The following TRIQK variants were observed in gnomAD, a reference collection of about 807,000 sequenced individuals.
The protein encoded by TRIQK is triple QxxK/R motif containing.
TRIQK carries 10 observed loss-of-function variants against 10.8 expected under a neutral mutation model. The observed-to-expected ratio is 0.92, with a 90% CI of 0.57 to 1.57. The LOEUF (loss-of-function observed/expected upper bound fraction) is 1.57. TRIQK is among the 40% of genes most tolerant of loss of function. The pLI is 0.00. For synonymous variants in TRIQK, 33 were observed against 33.7 expected (o/e 0.98, Z 0.07); for missense variants, 107 against 97.7 (o/e 1.09, Z -0.40).
chr8:92,957,420 A>G (rs1812230376), intron 1 of TRIQK, among the ~76,000 whole-genome samples: 1 of 151,866 alleles, frequency 6.6e-6, no homozygotes, highest in African/African-American at 2.4e-5. Flanking sequence ...TGTGTCAAAT[A>G]TAAAGATCTA....
chr8:92,994,366 C>T (rs1813129464), intron 1 of TRIQK, among the ~76,000 whole-genome samples: 1 of 151,442 alleles, frequency 6.6e-6, no homozygotes, highest in Non-Finnish European at 1.5e-5. Context: ...TCCCTAGTGT[C>T]TATCTGCTTA....
intron 2 of TRIQK, among the ~76,000 whole-genome samples, chr8:92,944,286 G>A (rs549144128): frequency 8.6e-5 from 12 of 138,830 alleles, no homozygotes; most frequent in African/African-American, 2.1e-4. Context: ...CATTATGGAA[G>A]AGAGTATGAA....
intron 3 of TRIQK, among the ~76,000 whole-genome samples, chr8:92,911,197 A>G (rs1466562874): frequency 2.0e-5 from 3 of 151,430 alleles, no homozygotes; most frequent in African/African-American, 2.4e-5. Flanking sequence ...ACTGTTAAAC[A>G]TTTTATGGAA....
chr8:92,931,539 T>C (rs1810725233), intron 2 of TRIQK, among the ~76,000 whole-genome samples: 1 of 152,160 alleles, frequency 6.6e-6, no homozygotes, highest in African/African-American at 2.4e-5. Context: ...GAGGCCTAGA[T>C]TATTGGAAAG....
At chr8:92,925,781 C>G (rs563752301) in intron 2 of TRIQK, among the ~76,000 whole-genome samples, 1 of 152,226 alleles carries the variant, frequency 6.6e-6, no homozygotes, top group Non-Finnish European at 1.5e-5. Flanking sequence ...GGTACAACTT[C>G]TTTATAAAAT....
At chr8:93,007,503 G>A (rs1211907428) in intron 1 of TRIQK, among the ~76,000 whole-genome samples, 1 of 152,178 alleles carries the variant, frequency 6.6e-6, no homozygotes, top group Non-Finnish European at 1.5e-5. Context: ...TTTCCAGCAA[G>A]GGCACAGAAC....
At chr8:92,939,114 G>A (rs566156468) in intron 2 of TRIQK, among the ~76,000 whole-genome samples, 43 of 152,196 alleles carry the variant, frequency 2.8e-4, no homozygotes, top group Admixed American at 1.5e-3. Context: ...AACAATTGGG[G>A]CTTTTTGTTG....
chr8:92,977,492 G>A (rs930614013), intron 1 of TRIQK, among the ~76,000 whole-genome samples: 1 of 151,582 alleles, frequency 6.6e-6, no homozygotes, highest in African/African-American at 2.4e-5. Context: ...CCTATATTTG[G>A]AAGTTTAAAT....
chr8:92,914,090 C>T (rs1809709603), intron 3 of TRIQK, among the ~76,000 whole-genome samples: 4 of 152,130 alleles, frequency 2.6e-5, no homozygotes, highest in Non-Finnish European at 1.5e-5. Context: ...GCACGTTCTG[C>T]ACATGTATCC....
intron 3 of TRIQK, among the ~76,000 whole-genome samples, chr8:92,893,115 T>G (rs1816844254): frequency 6.6e-6 from 1 of 151,928 alleles, no homozygotes; most frequent in African/African-American, 2.4e-5. Flanking sequence ...ATTCTAACAT[T>G]AATTTCCACA....
chr8:92,982,467 C>A (rs1442644449), intron 1 of TRIQK, among the ~76,000 whole-genome samples: 2 of 151,958 alleles, frequency 1.3e-5, no homozygotes, highest in African/African-American at 4.8e-5. Context: ...CAAAACAAGA[C>A]AACATTTCTT....
At chr8:92,914,225 C>T (rs1809715728) in intron 3 of TRIQK, among the ~76,000 whole-genome samples, 1 of 151,906 alleles carries the variant, frequency 6.6e-6, no homozygotes, top group African/African-American at 2.4e-5. Flanking sequence ...TTATATTTGC[C>T]TTTTAGGTAT....
At chr8:92,913,792 A>C (rs1419520661) in intron 3 of TRIQK, among the ~76,000 whole-genome samples, 1 of 152,196 alleles carries the variant, frequency 6.6e-6, no homozygotes, top group Non-Finnish European at 1.5e-5. Context: ...TGCAGCCATA[A>C]AAAATAATGA....
intron 2 of TRIQK, among the ~76,000 whole-genome samples, chr8:92,923,886 T>C (rs1021352684): frequency 3.2e-4 from 49 of 151,920 alleles, no homozygotes; most frequent in Non-Finnish European, 7.4e-5. Flanking sequence ...ATACCTTTTT[T>C]ATGAAATCCA....
At chr8:92,967,869 T>C (rs1812823588), upstream of TRIQK, among the ~76,000 whole-genome samples, 1 of 150,296 alleles carries the variant, frequency 6.7e-6, no homozygotes, top group South Asian at 2.1e-4. Context: ...AAGAAAGAGT[T>C]ATGATTATAT....
chr8:92,961,524 T>G (rs1812454774), intron 1 of TRIQK, among the ~76,000 whole-genome samples: 1 of 152,206 alleles, frequency 6.6e-6, no homozygotes, highest in Non-Finnish European at 1.5e-5. Flanking sequence ...GATAATTAAC[T>G]TGACTGGAAA....
At chr8:92,932,684 C>A (rs919369052) in intron 2 of TRIQK, among the ~76,000 whole-genome samples, 1 of 152,164 alleles carries the variant, frequency 6.6e-6, no homozygotes, top group African/African-American at 2.4e-5. Flanking sequence ...CTCATTTCTT[C>A]CATATTTATT....
At chr8:92,902,592 A>C (rs1288833398) in intron 3 of TRIQK, among the ~76,000 whole-genome samples, 1 of 152,040 alleles carries the variant, frequency 6.6e-6, no homozygotes, top group African/African-American at 2.4e-5. Context: ...TTTTGTGTGA[A>C]TAGTTGTTCA....
chr8:92,945,973 GA>G (rs34842606), intron 2 of TRIQK, among the ~76,000 whole-genome samples: 10 of 149,898 alleles, frequency 6.7e-5, no homozygotes, highest in African/African-American at 9.8e-5. Flanking sequence ...GCTCTGGGCA[GA>G]AAAAAAAATG....
Sources: gnomAD v4.1 joint callset for allele counts (sites outside exome capture counted in the v4.1 genomes callset) on GRCh38, gnomAD v4.1.1 for gene constraint, MANE v1.5 for transcripts, NCBI Gene and HGNC (gene_info 2026-07-23, HGNC 2026-07-21) for gene names.